ELAVL4: variants seen among roughly 807,000 people sequenced by gnomAD.
ELAVL4 encodes the protein ELAV-like protein 4.
ELAVL4 carries 1 observed loss-of-function variant against 35.6 expected under a neutral mutation model. The ratio of observed to expected loss-of-function variants is 0.03; its 90% confidence interval spans 0.01 to 0.13. ELAVL4 has a LOEUF of 0.13. Among genes scored for constraint, ELAVL4 ranks in the 10% least tolerant of loss-of-function variants. The pLI is 1.00. For missense variants in ELAVL4, 267 were observed against 464.9 expected (o/e 0.57, Z 3.91); for synonymous variants, 156 against 171.0 (o/e 0.91, Z 0.69).
intron 1 of ELAVL4, among the ~76,000 whole-genome samples, chr1:50,091,579 A>G (rs1404500151): frequency 6.6e-6 from 1 of 152,186 alleles, no homozygotes; most frequent in Non-Finnish European, 1.5e-5. Flanking sequence ...TCACCCCCAA[A>G]GACTCCCAAC....
At chr1:50,065,299 G>A (rs919292274) in intron 1 of ELAVL4, among the ~76,000 whole-genome samples, 1 of 152,146 alleles carries the variant, frequency 6.6e-6, no homozygotes, top group African/African-American at 2.4e-5. Context: ...GAAAAGGTTA[G>A]AACAGATTAT....
intron 1 of ELAVL4, among the ~76,000 whole-genome samples, chr1:50,070,740 CAAAAA>C (rs34633476): frequency 5.2e-5 from 4 of 77,122 alleles, no homozygotes; most frequent in East Asian, 3.8e-4. Flanking sequence ...GACTCCATCT[CAAAAA>C]AAAAAAAAAA....
chr1:50,162,925 A>C (rs1279243802), intron 2 of ELAVL4, among the ~76,000 whole-genome samples: 3 of 152,164 alleles, frequency 2.0e-5, no homozygotes, highest in African/African-American at 7.2e-5. Context: ...GAGAGCAGAC[A>C]CACTCAAAAT....
At chr1:50,077,810 G>T (rs1031937113) in intron 1 of ELAVL4, among the ~76,000 whole-genome samples, 4 of 152,064 alleles carry the variant, frequency 2.6e-5, no homozygotes, top group African/African-American at 9.7e-5. Context: ...TTATTATTTG[G>T]TCTTACTAGC....
chr1:50,159,039 CA>C (rs57361277), intron 2 of ELAVL4, among the ~76,000 whole-genome samples: 323 of 74,898 alleles, frequency 4.3e-3, no homozygotes, highest in African/African-American at 6.7e-3. Flanking sequence ...GACTCCTTCT[CA>C]AAAAAAAAAA....
At chr1:50,077,382 T>C (rs1046121822) in intron 1 of ELAVL4, among the ~76,000 whole-genome samples, 1 of 152,166 alleles carries the variant, frequency 6.6e-6, no homozygotes, top group African/African-American at 2.4e-5. Flanking sequence ...AGAATTGAAG[T>C]CTCACCTTAA....
intron 1 of ELAVL4, among the ~76,000 whole-genome samples, chr1:50,088,891 G>C (rs1665368525): frequency 6.8e-6 from 1 of 147,902 alleles, no homozygotes; most frequent in Admixed American, 6.9e-5. Flanking sequence ...GTGACTGCCA[G>C]GGTGTTTCAG....
At chr1:50,170,148 C>A (rs780237145) in intron 2 of ELAVL4, among the ~76,000 whole-genome samples, 17 of 152,172 alleles carry the variant, frequency 1.1e-4, no homozygotes, top group Non-Finnish European at 2.1e-4. Context: ...ACCACAGTGT[C>A]AGACAGTATC....
chr1:50,201,276 T>C lies in ELAVL4; in HGVS notation c.*98T>C. The C allele has an allele frequency of 7.3e-7, 1 of 1,366,684 alleles. No homozygotes were observed. The highest frequency in any genetic ancestry group is 2.6e-4 in the Middle Eastern group (1 of 3,854). 84.7% of individuals were successfully genotyped at this position (1,366,684 alleles called of 1,614,324 possible). A position where few individuals can be genotyped will look rare whatever the true frequency, so the allele number is the denominator to read the frequency against. ...ATACACGAAAGAGAGAGAAACAAAC[T>C]TTTCAAGGCTTATATTCAACCATGG... On this transcript the variant is annotated 3_prime_UTR_variant, in exon 7 of 7. Transcript: ENST00000371824. This position sits in a 1 kb window ranked among gnomAD's most constrained non-coding sequence, Gnocchi z 4.3.
At chr1:50,136,351 C>T (rs1172755942) in intron 1 of ELAVL4, among the ~76,000 whole-genome samples, 2 of 152,162 alleles carry the variant, frequency 1.3e-5, no homozygotes, top group Non-Finnish European at 2.9e-5. Flanking sequence ...TAACATACTA[C>T]ATGTCAGAAT....
intron 1 of ELAVL4, among the ~76,000 whole-genome samples, chr1:50,075,570 G>A (rs1037410766): frequency 2.6e-5 from 4 of 152,206 alleles, no homozygotes; most frequent in Non-Finnish European, 5.9e-5. Flanking sequence ...AGGCCTGGAA[G>A]GCTGCTCTGC....
At chr1:50,137,596 C>T (rs1270826561) in intron 1 of ELAVL4, among the ~76,000 whole-genome samples, 1 of 152,150 alleles carries the variant, frequency 6.6e-6, no homozygotes, top group Non-Finnish European at 1.5e-5. Context: ...TACATCCGTA[C>T]ACTTTTAGAT....
At chr1:50,055,111 A>G (rs960688867) in intron 1 of ELAVL4, among the ~76,000 whole-genome samples, 6 of 152,120 alleles carry the variant, frequency 3.9e-5, no homozygotes, top group Non-Finnish European at 8.8e-5. Context: ...CCCTTTTTGA[A>G]TATGCCTTCT....
intron 1 of ELAVL4, among the ~76,000 whole-genome samples, chr1:50,126,419 G>A (rs2480690): frequency 0.23 from 35,262 of 151,840 alleles, 5,213 homozygotes; most frequent in East Asian, 0.42. Context: ...ATAAGTTAGA[G>A]TATTTACTTT....
intron 1 of ELAVL4, among the ~76,000 whole-genome samples, chr1:50,054,864 G>A (rs1467859965): frequency 2.0e-5 from 3 of 152,306 alleles, no homozygotes; most frequent in East Asian, 3.9e-4. Context: ...CCAATACGGA[G>A]CACTTACAGG....
At chr1:50,076,160 C>T (rs998710534) in intron 1 of ELAVL4, among the ~76,000 whole-genome samples, 4 of 152,022 alleles carry the variant, frequency 2.6e-5, no homozygotes, top group Non-Finnish European at 4.4e-5. Flanking sequence ...AGATGTACCC[C>T]GATCATAAAT....
chr1:50,145,609 T>C (rs550492462), intron 2 of ELAVL4, among the ~76,000 whole-genome samples: 1 of 152,284 alleles, frequency 6.6e-6, no homozygotes, highest in Middle Eastern at 3.4e-3. Flanking sequence ...AACAAGTGTT[T>C]TAAAGGGGGC....
At position 50,056,695 on chromosome 1, in the gene ELAVL4, G is replaced by C. The variant is rs12133586; in HGVS notation, c.18+8513G>C. The stretch of plus-strand genomic sequence containing the variant: ...CTCACGCCTGTAATCCCAGCACATT[G>C]GGAGGCCAAGTCAGGCGGATCACGA... On this transcript the variant is annotated intron_variant, in intron 1 of 6. Coordinates refer to the ELAVL4 transcript ENST00000448907. 8.2e-3 allele frequency among the ~76,000 whole-genome samples: 1,242 copies of C among 152,302 alleles called. 12 individuals carry two copies. Among genetic ancestry groups the C allele is most frequent in the Admixed American group, 0.01 (158 of 15,302 alleles).
At chr1:50,103,743 A>G (rs1012010163), upstream of ELAVL4, among the ~76,000 whole-genome samples, 1 of 152,174 alleles carries the variant, frequency 6.6e-6, no homozygotes, top group Non-Finnish European at 1.5e-5. Context: ...AGGGCCAGCA[A>G]TTATCTATAT....
Sources: allele counts gnomAD v4.1 joint callset (sites outside exome capture counted in the v4.1 genomes callset), GRCh38; gene constraint gnomAD v4.1.1; non-coding constraint Gnocchi (gnomAD v3.1); transcripts MANE v1.5; gene names NCBI Gene and HGNC (gene_info 2026-07-23, HGNC 2026-07-21).